The following ADAMTSL1 variants were observed in gnomAD, a reference collection of about 807,000 sequenced individuals.
The protein encoded by ADAMTSL1 is ADAMTS like 1, also known as ADAMTS-like protein 1.
Under a neutral mutation model 201.8 loss-of-function variants are expected in ADAMTSL1, and 126 were observed. The ratio of observed to expected loss-of-function variants is 0.62; its 90% CI spans 0.54 to 0.72. ADAMTSL1 has a LOEUF of 0.72. ADAMTSL1 is among the 30% of genes least tolerant of loss of function. The pLI, the probability that ADAMTSL1 is intolerant of heterozygous loss-of-function variation, is 0.00. For missense variants in ADAMTSL1, 2,679 were observed against 2,277.8 expected, an observed-to-expected ratio of 1.18 and a Z score of -3.59; for synonymous variants, 1,121 against 903.4, an observed-to-expected ratio of 1.24 and a Z score of -4.32.
chr9:18,754,717 C>A (rs1819648451), intron 16 of ADAMTSL1, among the ~76,000 whole-genome samples: 2 of 152,154 alleles, frequency 1.3e-5, no homozygotes, highest in African/African-American at 4.8e-5. Flanking sequence ...TAGTAAAACA[C>A]TCAAAGAATC....
intron 1 of ADAMTSL1, among the ~76,000 whole-genome samples, chr9:18,153,405 CT>C (rs1827008105): frequency 6.6e-6 from 1 of 152,170 alleles, no homozygotes; most frequent in African/African-American, 2.4e-5. Flanking sequence ...AAATTAATAA[CT>C]GATTTTTTAA....
At position 17,940,804 on chromosome 9, in the gene ADAMTSL1, C is replaced by CCG. The variant is rs1490572134; in HGVS notation, c.87+33883_87+33884insGC. On this transcript the variant is annotated intron_variant, in intron 1 of 29. Transcript: ENST00000680146. ...ACTTAAAAATAAAAGTAAATAACAC[C>CCG]CCCCCCCCAAAAAAAAGAAAGAAAT... 1.0e-3 allele frequency among the ~76,000 whole-genome samples: 49 copies of CCG among 48,914 alleles called. 4 individuals carry two copies. The highest frequency in any genetic ancestry group is 3.6e-3 in the African/African-American group (49 of 13,604). The allele number at this position is 48,914 out of a possible 152,430, so 32.1% of individuals were successfully genotyped here.
At chr9:18,905,478 A>G (rs1830252275) in intron 26 of ADAMTSL1, 1 of 361,990 alleles carries the variant, frequency 2.8e-6, no homozygotes, top group African/African-American at 2.1e-5. Context: ...CATTCCTAGC[A>G]TATTATGCCA....
chr9:17,946,335 A>G (rs1032543441), intron 1 of ADAMTSL1, among the ~76,000 whole-genome samples: 6 of 152,046 alleles, frequency 3.9e-5, no homozygotes, highest in African/African-American at 1.4e-4. Flanking sequence ...TATTTCGTCA[A>G]TTGGTACTCA....
intron 1 of ADAMTSL1, among the ~76,000 whole-genome samples, chr9:18,154,265 A>T (rs1033731499): frequency 5.3e-5 from 8 of 152,088 alleles, no homozygotes; most frequent in Non-Finnish European, 1.5e-5. Flanking sequence ...GGTTTAAAAC[A>T]GTATTATCAT....
intron 23 of ADAMTSL1, among the ~76,000 whole-genome samples, chr9:18,876,301 C>CGTGTGTGT (rs59150507): frequency 0.052 from 7,280 of 139,628 alleles, 208 homozygotes; most frequent in Admixed American, 0.062. Context: ...TGCCTGAATA[C>CGTGTGTGT]GTGTGTGTGT....
intron 5 of ADAMTSL1, among the ~76,000 whole-genome samples, chr9:18,633,625 G>A (rs1826917284): frequency 6.8e-6 from 1 of 147,402 alleles, no homozygotes; most frequent in Admixed American, 6.8e-5. Flanking sequence ...AAGCTCTGTA[G>A]GCCTAATCTT....
chr9:18,527,795 A>G (rs1447029925), intron 2 of ADAMTSL1, among the ~76,000 whole-genome samples: 2 of 152,196 alleles, frequency 1.3e-5, no homozygotes, highest in African/African-American at 4.8e-5. Context: ...ATTAAATCAA[A>G]ATCTGACTGG....
intron 1 of ADAMTSL1, among the ~76,000 whole-genome samples, chr9:17,987,991 G>T (rs1272871635): frequency 6.6e-6 from 1 of 151,914 alleles, no homozygotes; most frequent in Non-Finnish European, 1.5e-5. Flanking sequence ...AACGTGTTTT[G>T]GTTCATTAAA....
intron 2 of ADAMTSL1, among the ~76,000 whole-genome samples, chr9:18,241,884 C>T (rs1472831997): frequency 6.6e-6 from 1 of 151,922 alleles, no homozygotes. Flanking sequence ...AACAAAAACC[C>T]TTACAGCAAC....
At chr9:18,477,077 T>C (rs1821490405) in intron 1 of ADAMTSL1, among the ~76,000 whole-genome samples, 1 of 152,174 alleles carries the variant, frequency 6.6e-6, no homozygotes, top group East Asian at 1.9e-4. Context: ...CAGGTGAAAT[T>C]AAGCTACATA....
intron 2 of ADAMTSL1, among the ~76,000 whole-genome samples, chr9:18,219,682 C>A (rs558563607): frequency 5.9e-5 from 9 of 152,228 alleles, no homozygotes; most frequent in African/African-American, 2.2e-4. Context: ...ATTAAAGTAA[C>A]TTTGTCTTTT....
chr9:18,837,888 G>C (rs1420643469), intron 23 of ADAMTSL1, among the ~76,000 whole-genome samples: 2 of 152,180 alleles, frequency 1.3e-5, no homozygotes, highest in East Asian at 3.8e-4. Context: ...AAGGTCTTAT[G>C]GGAGTCGTGA....
intron 4 of ADAMTSL1, among the ~76,000 whole-genome samples, chr9:18,617,352 G>T (rs1374687942): frequency 6.6e-6 from 1 of 152,120 alleles, no homozygotes; most frequent in Non-Finnish European, 1.5e-5. Flanking sequence ...TTTCAGTCTT[G>T]CATACTGCCT....
chr9:17,947,592 G>A (rs766964454), intron 1 of ADAMTSL1, among the ~76,000 whole-genome samples: 1 of 152,012 alleles, frequency 6.6e-6, no homozygotes, highest in African/African-American at 2.4e-5. Flanking sequence ...TTGCAATATT[G>A]TCCGCCACTT....
intron 16 of ADAMTSL1, among the ~76,000 whole-genome samples, chr9:18,754,099 A>T (rs1819612695): frequency 6.6e-6 from 1 of 152,186 alleles, no homozygotes; most frequent in Non-Finnish European, 1.5e-5. Flanking sequence ...TGTGTAAATA[A>T]AGTTTTATTG....
rs762940695 is a variant in ADAMTSL1 at position 18,706,987 on chromosome 9, C to A, written c.1815C>A (p.Phe605Leu). Residue 605 changes from phenylalanine to leucine, a missense_variant, in exon 14 of 29, where the codon TTC becomes TTA. Transcript: ENST00000380548. ...TDGLFGGLQD[F>L]DELYDWEYEG... ...GGCTCTTTGGTGGCCTGCAGGATTT[C>A]GACGAGCTGTATGACTGGGAGTATG... 5 of 1,613,932 alleles carry A rather than the reference C, an allele frequency of 3.1e-6. No homozygotes were observed. In the South Asian group the frequency reaches 5.5e-5, roughly 18 times the overall value.
intron 2 of ADAMTSL1, among the ~76,000 whole-genome samples, chr9:18,181,078 G>A (rs537298944): frequency 7.1e-4 from 108 of 152,264 alleles, no homozygotes; most frequent in African/African-American, 2.6e-3. Flanking sequence ...AAACTGGCTA[G>A]CCATATGTAG....
At chr9:17,947,838 C>A (rs2131365959) in intron 1 of ADAMTSL1, among the ~76,000 whole-genome samples, 1 of 152,264 alleles carries the variant, frequency 6.6e-6, no homozygotes, top group African/African-American at 2.4e-5. Flanking sequence ...AGGGGAACAA[C>A]TATTCTACCT....
Sources: gnomAD v4.1 joint callset for allele counts (sites outside exome capture counted in the v4.1 genomes callset) on GRCh38, gnomAD v4.1.1 for gene constraint, MANE v1.5 for transcripts, NCBI Gene and HGNC (gene_info 2026-07-23, HGNC 2026-07-21) for gene names.